OPCML: variants seen among roughly 807,000 people sequenced by gnomAD.
OPCML encodes the protein opioid binding protein/cell adhesion molecule like.
OPCML carries 13 observed loss-of-function variants against 37.8 expected under a neutral mutation model. The observed-to-expected ratio is 0.34, with a 90% CI of 0.22 to 0.55. The LOEUF is 0.55. Among genes scored for constraint, OPCML ranks in the 20% least tolerant of loss-of-function variants. The pLI, the probability that OPCML is intolerant of heterozygous loss-of-function variation, is 0.91. For synonymous variants in OPCML, 176 were observed against 168.8 expected, an observed-to-expected ratio of 1.04 and a Z score of -0.33; for missense variants, 341 against 435.6, an observed-to-expected ratio of 0.78 and a Z score of 1.93.
chr11:133,007,285 T>G (rs1394769622), intron 1 of OPCML: 1 of 985,336 alleles, frequency 1.0e-6, no homozygotes, highest in African/African-American at 1.7e-5. Flanking sequence ...CTATTTATGC[T>G]GTTGCAGGAT....
At chr11:132,541,451 GT>G (rs1239540475) in intron 3 of OPCML, among the ~76,000 whole-genome samples, 2 of 151,948 alleles carry the variant, frequency 1.3e-5, no homozygotes, top group African/African-American at 4.8e-5. Context: ...ATATAAAAGG[GT>G]TTTTGTCACA....
In OPCML at chr11:132,623,419, G is replaced by GA. The variant is rs5795790; in HGVS notation, c.379+33667dup. Among the ~76,000 whole-genome samples, 2,835 of 151,338 alleles carry GA rather than the reference G, an allele frequency of 0.019. 205 individuals carry two copies. In the East Asian group the frequency reaches 0.2, roughly 11 times the overall value. ...AATGACTGCAAAAGCTGTTTTGGGGGAAAAAAAAGAGAAAAGTTGTTGTCC... is the reference window on the plus strand; with the variant it reads ...AATGACTGCAAAAGCTGTTTTGGGGGAAAAAAAAAGAGAAAAGTTGTTGTCC... On this transcript the variant is annotated intron_variant, in intron 3 of 7. Coordinates refer to ENST00000524381, the MANE Select transcript of OPCML (RefSeq NM_001012393.5).
At chr11:132,751,405 A>G (rs751284820) in intron 2 of OPCML, among the ~76,000 whole-genome samples, 1 of 152,210 alleles carries the variant, frequency 6.6e-6, no homozygotes, top group Non-Finnish European at 1.5e-5. Context: ...AAACTTGATT[A>G]TAAGTGCTTA....
Position 132,563,813 on chromosome 11 carries a change from A to C in OPCML, c.380-34627T>G, listed in dbSNP as rs890477488. On this transcript the variant is annotated intron_variant, in intron 3 of 7. Transcript: ENST00000524381. ...AAACAACGAAAACAACAACAACAAA[A>C]AAACAGAAAAACTTCACTGACAGCA... Among the ~76,000 whole-genome samples the C allele has an allele frequency of 3.7e-4, 56 of 152,268 alleles. 1 individual carries two copies. Among genetic ancestry groups the C allele is most frequent in the African/African-American group, 1.3e-3 (54 of 41,548 alleles).
Position 133,523,410 on chromosome 11 carries a change from T to G in OPCML, c.61+8854A>C, listed in dbSNP as rs191092849. 3.2e-3 allele frequency among the ~76,000 whole-genome samples: 484 copies of G among 152,210 alleles called. 2 individuals carry two copies. The highest frequency in any genetic ancestry group is 0.011 in the African/African-American group (465 of 41,550). ...AGATTCTGACTCCCACCTACAACTT[T>G]CCTTTAAAAGTTCCCAAGTGCATTC... On this transcript the variant is annotated intron_variant, in intron 1 of 7. Transcript: ENST00000524381.
intron 2 of OPCML, among the ~76,000 whole-genome samples, chr11:132,833,140 A>AAT (rs10675982): frequency 0.32 from 48,918 of 151,970 alleles, 8,752 homozygotes; most frequent in Non-Finnish European, 0.42. Context: ...TAACTTTTAA[A>AAT]ATATATATAG....
At chr11:132,880,851 G>A (rs1006141121) in intron 2 of OPCML, among the ~76,000 whole-genome samples, 2 of 152,078 alleles carry the variant, frequency 1.3e-5, no homozygotes, top group Admixed American at 6.6e-5. Flanking sequence ...TGATCCCCAC[G>A]CAGGGTCTCC....
chr11:133,003,287 C>A (rs369660542), intron 1 of OPCML, among the ~76,000 whole-genome samples: 1 of 152,194 alleles, frequency 6.6e-6, no homozygotes, highest in Non-Finnish European at 1.5e-5. Context: ...CAAGTGCCTT[C>A]CTGCTCCTTC....
At chr11:132,939,742 G>A (rs1179949176) in intron 2 of OPCML, among the ~76,000 whole-genome samples, 1 of 152,158 alleles carries the variant, frequency 6.6e-6, no homozygotes, top group Non-Finnish European at 1.5e-5. Flanking sequence ...TGAACATCCT[G>A]GGCTCCTTTC....
chr11:133,432,501 A>T (rs1946143684), intron 1 of OPCML, among the ~76,000 whole-genome samples: 1 of 152,060 alleles, frequency 6.6e-6, no homozygotes, highest in Non-Finnish European at 1.5e-5. Context: ...TTTGCCTCCC[A>T]AGTAGCTGGG....
At chr11:132,432,169 T>C (rs1255911422) in intron 7 of OPCML, among the ~76,000 whole-genome samples, 1 of 152,196 alleles carries the variant, frequency 6.6e-6, no homozygotes, top group African/African-American at 2.4e-5. Flanking sequence ...GCCTAACCTC[T>C]CAATTTCCTC....
At chr11:133,213,932 G>A (rs1024043697) in intron 1 of OPCML, among the ~76,000 whole-genome samples, 2 of 152,062 alleles carry the variant, frequency 1.3e-5, no homozygotes, top group African/African-American at 4.8e-5. Flanking sequence ...TTAAGAAATA[G>A]CAGAATACTT....
At chr11:133,299,541 A>T (rs1942728498) in intron 1 of OPCML, 1 of 152,252 alleles carries the variant, frequency 6.6e-6, no homozygotes, top group South Asian at 2.1e-4. Context: ...CTTATTTCCC[A>T]ATTGCCTAAA....
At chr11:132,923,011 C>T (rs1273297405) in intron 2 of OPCML, among the ~76,000 whole-genome samples, 1 of 151,574 alleles carries the variant, frequency 6.6e-6, no homozygotes, top group East Asian at 1.9e-4. Flanking sequence ...GAAGTCAAGG[C>T]TGTATTGGGC....
At chr11:133,390,327 G>T (rs112368976) in intron 1 of OPCML, among the ~76,000 whole-genome samples, 1 of 152,082 alleles carries the variant, frequency 6.6e-6, no homozygotes, top group African/African-American at 2.4e-5. Context: ...GCCGGGTGTG[G>T]TGGCGGGCGC....
At chr11:133,428,698 A>G (rs1312022105) in intron 1 of OPCML, among the ~76,000 whole-genome samples, 5 of 152,206 alleles carry the variant, frequency 3.3e-5, no homozygotes, top group African/African-American at 1.2e-4. Flanking sequence ...GCTTCAATAA[A>G]TGAAGAGGCA....
At chr11:133,273,557 GA>G (rs1159465550) in intron 1 of OPCML, among the ~76,000 whole-genome samples, 1 of 151,576 alleles carries the variant, frequency 6.6e-6, no homozygotes, top group Non-Finnish European at 1.5e-5. Context: ...TCAGGAGACA[GA>G]AGCTTTTTTT....
At chr11:133,294,910 G>C (rs984507607) in intron 1 of OPCML, among the ~76,000 whole-genome samples, 1 of 132,942 alleles carries the variant, frequency 7.5e-6, no homozygotes, top group Non-Finnish European at 1.5e-5. Flanking sequence ...TGCAACCTCC[G>C]CCTCCCAGGT....
At chr11:132,466,267 C>T (rs1445908566) in intron 4 of OPCML, among the ~76,000 whole-genome samples, 3 of 149,064 alleles carry the variant, frequency 2.0e-5, no homozygotes, top group African/African-American at 7.5e-5. Flanking sequence ...GGGCGGATCA[C>T]GAGGTCAGGA....
Sources: allele counts gnomAD v4.1 joint callset (sites outside exome capture counted in the v4.1 genomes callset), GRCh38; gene constraint gnomAD v4.1.1; transcripts MANE v1.5; gene names NCBI Gene and HGNC (gene_info 2026-07-23, HGNC 2026-07-21).